Variants in ANKRD2 observed in about 807,000 individuals in gnomAD.
ANKRD2 encodes ankyrin repeat domain-containing protein 2.
A neutral mutation model predicts 37.3 loss-of-function variants in ANKRD2; 35 were observed. That is an observed-to-expected ratio of 0.94 (90% confidence interval 0.72 to 1.24). ANKRD2 has a LOEUF of 1.24. Among genes scored for constraint, ANKRD2 ranks in the 50% most tolerant of loss-of-function variants. The pLI is 0.00. For missense variants in ANKRD2, 410 were observed against 445.6 expected (o/e 0.92, Z 0.72); for synonymous variants, 159 against 186.5 (o/e 0.85, Z 1.20).
At chr10:97,581,026 A>G in intron 5 of ANKRD2, 73 bp downstream of exon 5, 1 of 1,330,502 alleles carries the variant, frequency 7.5e-7, no homozygotes, top group Non-Finnish European at 1.0e-6. Context: ...TCTCCCTGCC[A>G]CCTGTGCCAA....
At chr10:97,578,116 G>A in intron 2 of ANKRD2, 124 bp from the exon 3 acceptor site, 1 of 1,303,802 alleles carries the variant, frequency 7.7e-7, no homozygotes, top group Non-Finnish European at 1.0e-6. Context: ...ATAGACCTTG[G>A]TTCCTTCTTT....
chr10:97,581,791 C>A (rs1202058335), intron 6 of ANKRD2, among the ~76,000 whole-genome samples: 2 of 152,242 alleles, frequency 1.3e-5, no homozygotes, highest in Admixed American at 1.3e-4. Context: ...ATCCATTCCT[C>A]CATTTATTCA....
intron 8 of ANKRD2, 48 bp downstream of exon 8, chr10:97,582,750 C>T (rs368120373): frequency 1.3e-6 from 2 of 1,565,396 alleles, no homozygotes; most frequent in African/African-American, 1.4e-5. Context: ...AGCACTCATA[C>T]AGTGGAGGTG....
intron 1 of ANKRD2, among the ~76,000 whole-genome samples, chr10:97,575,771 C>T (rs1033274316): frequency 2.0e-5 from 3 of 152,068 alleles, no homozygotes; most frequent in Non-Finnish European, 4.4e-5. Flanking sequence ...ATTAGCCAGG[C>T]GTGGCGGCAT....
chr10:97,578,586 C>T lies in ANKRD2; in HGVS notation c.437C>T (p.Ser146Leu), dbSNP rs2040859641. Residue 146 changes from serine to leucine, a missense_variant, in exon 4 of 9, where the codon TCA (serine) becomes TTA (leucine). Physicochemically the swap from Ser to Leu is moderately radical, Grantham distance 145. Transcript: ENST00000370655. Reference protein sequence around the residue: ...VIEKFLADGGSADTCDQFRRT... With the variant: ...VIEKFLADGGLADTCDQFRRT... ...GAGAAGTTCCTGGCTGACGGGGGGT[C>T]AGCCGACACGTGCGACCAGGTGATG... 4 of 1,559,366 alleles carry T rather than the reference C, an allele frequency of 2.6e-6. No homozygotes were observed. The highest frequency in any genetic ancestry group is 3.5e-6 in the Non-Finnish European group (4 of 1,151,396).
At chr10:97,579,987 T>C (rs1384327099) in intron 4 of ANKRD2, among the ~76,000 whole-genome samples, 1 of 152,214 alleles carries the variant, frequency 6.6e-6, no homozygotes, top group Non-Finnish European at 1.5e-5. Flanking sequence ...CCCGGGGTGC[T>C]TTCTTGCTCT....
At chr10:97,578,447 G>C in intron 3 of ANKRD2, 49 bp downstream of exon 3, 1 of 1,607,188 alleles carries the variant, frequency 6.2e-7, no homozygotes, top group Non-Finnish European at 8.5e-7. Context: ...GGGAGCCCGG[G>C]AGGCTTCGGA....
Position 97,577,902 on chromosome 10 carries a change from G to A in ANKRD2, c.189+1G>A. The stretch of plus-strand genomic sequence containing the variant: ...GAGTGCAGCCCTGCAGAAGGTGAAG[G>A]TAAGCCTGGGAGGATCCAATGTCTG... On this transcript the variant is annotated splice_donor_variant, in intron 2 of 8. Coordinates refer to ENST00000370655, the MANE Select transcript of ANKRD2 (RefSeq NM_001346793.2). LOFTEE classifies it high-confidence loss of function. 1 of 1,557,246 alleles carries A rather than the reference G, an allele frequency of 6.4e-7. No homozygotes were observed. The highest frequency in any genetic ancestry group is 8.7e-7 in the Non-Finnish European group (1 of 1,150,852).
chr10:97,578,815 G>A (rs2040862300), intron 4 of ANKRD2, among the ~76,000 whole-genome samples: 1 of 152,146 alleles, frequency 6.6e-6, no homozygotes, highest in South Asian at 2.1e-4. Flanking sequence ...TGAATCACCT[G>A]CAGAGCAACA....
chr10:97,577,696 A>T, intron 1 of ANKRD2, 104 bp from the exon 2 acceptor site: 1 of 948,650 alleles, frequency 1.1e-6, no homozygotes, highest in Non-Finnish European at 1.5e-6. Flanking sequence ...AAGGGCTCTG[A>T]GACCACCCAG....
At position 97,583,578 on chromosome 10, in the gene ANKRD2, AG is replaced by A. The variant is rs1227905832; in HGVS notation, c.857del (p.Gly286GlufsTer69). 4 of 1,601,642 alleles carry A rather than the reference AG, an allele frequency of 2.5e-6. No homozygotes were observed. The highest frequency in any genetic ancestry group is 1.1e-5 in the South Asian group (1 of 88,720). Reference sequence around the variant, plus strand: ...ACGCCCCGTCCCGCCCCCTCCAGGCAGGAAAGACCCCGACGGACCTGGTGCA... The same window carrying A: ...ACGCCCCGTCCCGCCCCCTCCAGGCAGAAAGACCCCGACGGACCTGGTGCA... Reference protein sequence around the residue: ...GADMMTKNLAGKTPTDLVQLW... With the variant: ...GADMMTKNLAXKTPTDLVQLW... On this transcript the variant is annotated frameshift_variant, in exon 9 of 9. Coordinates refer to ENST00000370655, the MANE Select transcript of ANKRD2 (RefSeq NM_001346793.2). LOFTEE classifies it high-confidence loss of function.
intron 4 of ANKRD2, among the ~76,000 whole-genome samples, chr10:97,579,344 T>C (rs2040868820): frequency 6.6e-6 from 1 of 150,476 alleles, no homozygotes; most frequent in Non-Finnish European, 1.5e-5. Flanking sequence ...TCTCACTCTG[T>C]CACCCAGGCT....
intron 4 of ANKRD2, among the ~76,000 whole-genome samples, chr10:97,579,298 A>G (rs1353198362): frequency 6.6e-6 from 1 of 150,820 alleles, no homozygotes; most frequent in Non-Finnish European, 1.5e-5. Context: ...CTCATGGTAT[A>G]GTACTGTACT....
intron 6 of ANKRD2, 80 bp downstream of exon 6, chr10:97,581,494 T>C: frequency 7.1e-7 from 1 of 1,410,398 alleles, no homozygotes; most frequent in Non-Finnish European, 9.9e-7. Context: ...CAGGAAAGCC[T>C]AGGGGGCAGG....
chr10:97,581,224 A>G (rs1449768867), intron 5 of ANKRD2, 92 bp from the exon 6 acceptor site: 2 of 1,306,164 alleles, frequency 1.5e-6, no homozygotes, highest in Non-Finnish European at 2.2e-6. Flanking sequence ...CCTTTCCCCT[A>G]GATATCCCTC....
intron 1 of ANKRD2, among the ~76,000 whole-genome samples, chr10:97,574,428 T>C (rs1242503410): frequency 6.6e-6 from 1 of 152,178 alleles, no homozygotes; most frequent in African/African-American, 2.4e-5. Flanking sequence ...AAAGCGTGGC[T>C]GTCTTGATAA....
chr10:97,576,708 A>ATTTATTTAT (rs2040830909), intron 1 of ANKRD2, among the ~76,000 whole-genome samples: 1 of 145,456 alleles, frequency 6.9e-6, no homozygotes, highest in African/African-American at 2.6e-5. Flanking sequence ...TTATTTATTT[A>ATTTATTTAT]TTTTTTGAGA....
Position 97,581,487 on chromosome 10 carries a change from G to A in ANKRD2, c.654+73G>A, listed in dbSNP as rs2040898350. The A allele has an allele frequency of 5.5e-6, 8 of 1,465,204 alleles. No homozygotes were observed. The Middle Eastern group carries it at 5.6e-4, about 103-fold the overall frequency. 90.8% of individuals were successfully genotyped at this position (1,465,204 alleles called of 1,614,324 possible). A position where few individuals can be genotyped will look rare whatever the true frequency, so the allele number is the denominator to read the frequency against. On this transcript the variant is annotated intron_variant, in intron 6 of 8. Coordinates refer to ENST00000370655, the MANE Select transcript of ANKRD2 (RefSeq NM_001346793.2). The stretch of plus-strand genomic sequence containing the variant: ...GAGAAAGGCAGGGGTCCAAGGGCAG[G>A]AAAGCCTAGGGGGCAGGAAGGTAGT...
Position 97,583,330 on chromosome 10 carries a change from ATTGT to A in ANKRD2, c.853-240_853-237del, listed in dbSNP as rs767538733. 3.4e-4 allele frequency among the ~76,000 whole-genome samples: 51 copies of A among 152,218 alleles called. 1 individual carries two copies. Among genetic ancestry groups the A allele is most frequent in the Admixed American group, 2.3e-3 (35 of 15,294 alleles). On this transcript the variant is annotated intron_variant, in intron 8 of 8. Transcript: ENST00000370655. The stretch of plus-strand genomic sequence containing the variant: ...CATTATTGACATTTAGGGCTGGGTG[ATTGT>A]TTGTTGTAGGGGACCATCCTATGCC...
Sources: gnomAD v4.1 joint callset for allele counts (sites outside exome capture counted in the v4.1 genomes callset) on GRCh38, gnomAD v4.1.1 for gene constraint, MANE v1.5 for transcripts, NCBI Gene and HGNC (gene_info 2026-07-23, HGNC 2026-07-21) for gene names.